Variants in TSHZ2 observed in about 807,000 individuals in gnomAD.
The protein encoded by TSHZ2 is teashirt homolog 2.
A neutral mutation model predicts 74.4 loss-of-function variants in TSHZ2; 21 were observed. The observed-to-expected ratio is 0.28, with a 90% CI of 0.20 to 0.41. The LOEUF is 0.41. Among genes scored for constraint, TSHZ2 ranks in the 10% least tolerant of loss-of-function variants. The probability of loss-of-function intolerance (pLI) is 1.00; values close to 1 mark genes in which losing one functional copy is unlikely to be tolerated. For missense variants in TSHZ2, 1,244 were observed against 1,293.5 expected, an observed-to-expected ratio of 0.96 and a Z score of 0.59; for synonymous variants, 540 against 515.3, an observed-to-expected ratio of 1.05 and a Z score of -0.65.
At chr20:52,979,422 G>A (rs558290224) in intron 1 of TSHZ2, among the ~76,000 whole-genome samples, 23 of 152,230 alleles carry the variant, frequency 1.5e-4, no homozygotes, top group African/African-American at 4.3e-4. Context: ...AATGGGGAGC[G>A]TCTCCAGCAG....
At chr20:53,418,522 C>T (rs146427233) in intron 2 of TSHZ2, among the ~76,000 whole-genome samples, 29 of 152,220 alleles carry the variant, frequency 1.9e-4, no homozygotes, top group African/African-American at 4.8e-4. Flanking sequence ...TGGCGACAGA[C>T]GAGAAGAGAG....
At chr20:53,429,974 G>A (rs1983783163) in intron 2 of TSHZ2, among the ~76,000 whole-genome samples, 1 of 152,116 alleles carries the variant, frequency 6.6e-6, no homozygotes, top group South Asian at 2.1e-4. Flanking sequence ...CTCTCACCAG[G>A]CCAGGTGGGA....
chr20:53,091,468 T>C (rs1985883422), intron 1 of TSHZ2, among the ~76,000 whole-genome samples: 1 of 152,242 alleles, frequency 6.6e-6, no homozygotes, highest in Non-Finnish European at 1.5e-5. Flanking sequence ...AAATATAGCT[T>C]AAATAATTTG....
intron 1 of TSHZ2, among the ~76,000 whole-genome samples, chr20:53,239,138 C>G (rs1320696110): frequency 6.6e-6 from 1 of 152,188 alleles, no homozygotes; most frequent in East Asian, 1.9e-4. Context: ...CATCCTGGGT[C>G]TCTACCCACT....
intron 1 of TSHZ2, among the ~76,000 whole-genome samples, chr20:53,121,451 T>A (rs1292724687): frequency 7.0e-6 from 1 of 141,904 alleles, no homozygotes; most frequent in Non-Finnish European, 1.5e-5. Context: ...CTCTGAACAA[T>A]GATGGCAGGC....
intron 1 of TSHZ2, among the ~76,000 whole-genome samples, chr20:53,124,688 A>G (rs188777071): frequency 6.6e-6 from 1 of 151,982 alleles, no homozygotes; most frequent in Non-Finnish European, 1.5e-5. Context: ...CCTATACTAA[A>G]CTCTTTCTTT....
At chr20:53,102,144 A>G (rs1344858647) in intron 1 of TSHZ2, among the ~76,000 whole-genome samples, 1 of 152,184 alleles carries the variant, frequency 6.6e-6, no homozygotes, top group Non-Finnish European at 1.5e-5. Context: ...TTGTATTTTG[A>G]TGGAAACTGA....
At chr20:53,009,368 C>T (rs1006428475) in intron 1 of TSHZ2, among the ~76,000 whole-genome samples, 4 of 151,912 alleles carry the variant, frequency 2.6e-5, no homozygotes, top group Admixed American at 1.3e-4. Context: ...AAAAAATATA[C>T]AAGCAATATC....
chr20:53,163,285 T>C (rs1198571453), intron 1 of TSHZ2, among the ~76,000 whole-genome samples: 4 of 151,644 alleles, frequency 2.6e-5, no homozygotes, highest in African/African-American at 4.8e-5. Context: ...GGCAAACATA[T>C]TGGGATGTCA....
intron 2 of TSHZ2, among the ~76,000 whole-genome samples, chr20:53,381,863 T>G (rs553742442): frequency 5.9e-5 from 9 of 152,176 alleles, no homozygotes; most frequent in Admixed American, 1.3e-4. Flanking sequence ...CATTCCCAAA[T>G]CCACAGGGTT....
At chr20:53,353,325 A>G (rs1006342966) in intron 2 of TSHZ2, among the ~76,000 whole-genome samples, 8 of 152,330 alleles carry the variant, frequency 5.3e-5, no homozygotes, top group African/African-American at 1.9e-4. Flanking sequence ...TAGCTATTCA[A>G]GACCATCTGC....
At chr20:53,304,322 T>C (rs766069347) in intron 2 of TSHZ2, among the ~76,000 whole-genome samples, 2 of 151,456 alleles carry the variant, frequency 1.3e-5, no homozygotes, top group African/African-American at 2.4e-5. Flanking sequence ...CAATCTAATA[T>C]TTAGTTTTAG....
chr20:53,188,292 G>A (rs1484853824), intron 1 of TSHZ2, among the ~76,000 whole-genome samples: 2 of 152,186 alleles, frequency 1.3e-5, no homozygotes, highest in Non-Finnish European at 2.9e-5. Flanking sequence ...ACAGCCGAGG[G>A]GACTTTTGGA....
chr20:52,979,417 G>A (rs1197681520), intron 1 of TSHZ2, among the ~76,000 whole-genome samples: 1 of 152,106 alleles, frequency 6.6e-6, no homozygotes, highest in African/African-American at 2.4e-5. Context: ...ACATGAATGG[G>A]GAGCGTCTCC....
intron 2 of TSHZ2, among the ~76,000 whole-genome samples, chr20:53,427,822 C>T (rs190900710): frequency 6.6e-6 from 1 of 152,276 alleles, no homozygotes; most frequent in Non-Finnish European, 1.5e-5. Context: ...CTTCCAAGAA[C>T]TTCAAGCATG....
intron 1 of TSHZ2, among the ~76,000 whole-genome samples, chr20:53,160,738 C>A (rs1272665124): frequency 1.7e-5 from 2 of 117,058 alleles, no homozygotes; most frequent in African/African-American, 1.0e-4. Context: ...GGGCAAGACT[C>A]TGTCTCCAAA....
chr20:53,232,730 T>C lies in TSHZ2; in HGVS notation c.41-20769T>C, dbSNP rs1042972356. ...GGGCAACAGAGCGAGACCCCCCCTC[T>C]AGAAAAAAAGAAAATTATTATTGTT... is the stretch of plus-strand genomic sequence containing the variant. On this transcript the variant is annotated intron_variant, in intron 1 of 2. Transcript: ENST00000371497. Among the ~76,000 whole-genome samples the C allele has an allele frequency of 2.4e-4, 36 of 152,230 alleles. 2 individuals carry two copies. Among genetic ancestry groups the C allele is most frequent in the East Asian group, 1.9e-3 (10 of 5,176 alleles).
intron 1 of TSHZ2, among the ~76,000 whole-genome samples, chr20:53,038,668 C>T (rs1198944907): frequency 2.6e-5 from 4 of 152,192 alleles, no homozygotes; most frequent in African/African-American, 7.2e-5. Context: ...GCTACACCAA[C>T]CGCTTTTTAA....
chr20:53,461,637 T>G (rs1600659816), intron 2 of TSHZ2: 1 of 152,168 alleles, frequency 6.6e-6, no homozygotes, highest in Admixed American at 6.5e-5. Context: ...CAGATGAATA[T>G]AAATGAGAGT....
Sources: gnomAD v4.1 joint callset for allele counts (sites outside exome capture counted in the v4.1 genomes callset) on GRCh38, gnomAD v4.1.1 for gene constraint, MANE v1.5 for transcripts, NCBI Gene and HGNC (gene_info 2026-07-23, HGNC 2026-07-21) for gene names.